The following UNC13C variants were observed in gnomAD, a reference collection of about 807,000 sequenced individuals.
UNC13C encodes protein unc-13 homolog C.
Under a neutral mutation model 245.4 loss-of-function variants are expected in UNC13C, and 174 were observed. That is an observed-to-expected ratio of 0.71 (90% CI 0.63 to 0.80). The LOEUF is 0.80. Ranked by LOEUF, UNC13C falls within the 30% of genes least tolerant of loss-of-function variation. UNC13C has a pLI of 0.00. For missense variants in UNC13C, 2,829 were observed against 2,602.9 expected, an observed-to-expected ratio of 1.09 and a Z score of -1.89; for synonymous variants, 992 against 895.1, an observed-to-expected ratio of 1.11 and a Z score of -1.93.
chr15:54,154,096 T>C (rs971623067), intron 4 of UNC13C, among the ~76,000 whole-genome samples: 1 of 152,046 alleles, frequency 6.6e-6, no homozygotes, highest in Non-Finnish European at 1.5e-5. Flanking sequence ...AATTATATAT[T>C]GTTGTAGTCA....
intron 2 of UNC13C, among the ~76,000 whole-genome samples, chr15:54,122,264 C>T (rs1475642700): frequency 2.0e-5 from 3 of 151,834 alleles, no homozygotes; most frequent in African/African-American, 7.3e-5. Context: ...TTAATAAATA[C>T]ATTTCATCAG....
chr15:54,301,642 T>A lies in UNC13C; in HGVS notation c.4268+1269T>A, dbSNP rs778338986. ...CTCATCCTTTTTTATAGCTGCATAG[T>A]ATTCCATGGTGCATATGTGCCACAT... On this transcript the variant is annotated intron_variant, in intron 13 of 32. Transcript: ENST00000260323. 3.1e-4 allele frequency among the ~76,000 whole-genome samples: 47 copies of A among 152,352 alleles called. 1 individual carries two copies. The highest frequency in any genetic ancestry group is 1.1e-3 in the African/African-American group (46 of 41,572).
intron 21 of UNC13C, 101 bp from the exon 22 acceptor site, chr15:54,500,734 A>C: frequency 1.1e-6 from 1 of 915,382 alleles, no homozygotes. Flanking sequence ...AAATGTAAAT[A>C]TGTGATACGG....
chr15:54,386,552 T>C (rs527518931), intron 17 of UNC13C, among the ~76,000 whole-genome samples: 8 of 152,120 alleles, frequency 5.3e-5, no homozygotes, highest in Non-Finnish European at 1.2e-4. Context: ...CAGTTAAAAA[T>C]TAGGGCAAAA....
intron 2 of UNC13C, among the ~76,000 whole-genome samples, chr15:54,118,397 T>C (rs531478689): frequency 1.3e-5 from 2 of 152,272 alleles, no homozygotes; most frequent in South Asian, 4.1e-4. Context: ...CCTAAGTATT[T>C]TCTTCTTGTA....
At chr15:53,898,119 A>T in the UNC13C span, among the ~76,000 whole-genome samples, 6 of 152,194 alleles carry the variant, frequency 3.9e-5, no homozygotes, top group African/African-American at 1.2e-4. Flanking sequence ...GATCTTCTAC[A>T]TTACTTCCTC....
intron 10 of UNC13C, among the ~76,000 whole-genome samples, chr15:54,267,747 TCTTC>T (rs2036582819): frequency 6.6e-6 from 1 of 152,086 alleles, no homozygotes; most frequent in Non-Finnish European, 1.5e-5. Flanking sequence ...GGTGTAATAT[TCTTC>T]CTTTTTCTAG....
intron 4 of UNC13C, among the ~76,000 whole-genome samples, chr15:54,198,780 T>TGGTA (rs1196533123): frequency 6.6e-6 from 1 of 152,034 alleles, no homozygotes; most frequent in African/African-American, 2.4e-5. Context: ...AAAACAAGTG[T>TGGTA]GGTAATATGA....
chr15:54,405,044 C>T (rs1836202891), intron 18 of UNC13C, among the ~76,000 whole-genome samples: 1 of 152,078 alleles, frequency 6.6e-6, no homozygotes, highest in Non-Finnish European at 1.5e-5. Context: ...CTGTCTGTCT[C>T]ATTTATACTT....
At position 54,627,104 on chromosome 15, in the gene UNC13C, G is replaced by C. The variant is rs1369023263; in HGVS notation, c.6636G>C (p.Glu2212Asp). The change falls in exon 33 of 33, where the codon GAG (glutamate) becomes GAC (aspartate). Residue 2212 changes from glutamate (E) to aspartate (D), a missense_variant. Glu to Asp is a conservative substitution (Grantham distance 45). Transcript: ENST00000260323. ...RLKSETRSTEESA is the reference protein window; with the variant it reads ...RLKSETRSTEDSA ...AATCTGAAACAAGATCTACTGAAGA[G>C]AGTGCTTGAAACAAACACTGCAAGC... 1.9e-6 allele frequency: 3 copies of C among 1,608,836 alleles called. No homozygotes were observed. Among genetic ancestry groups the C allele is most frequent in the African/African-American group, 2.7e-5 (2 of 74,742 alleles).
At chr15:54,542,374 T>G (rs548151990) in intron 26 of UNC13C, among the ~76,000 whole-genome samples, 90 of 152,268 alleles carry the variant, frequency 5.9e-4, no homozygotes, top group Non-Finnish European at 1.1e-3. Context: ...CTCTTTGTTA[T>G]GATTTCTGTT....
intron 4 of UNC13C, among the ~76,000 whole-genome samples, chr15:54,230,286 T>G (rs2035513660): frequency 6.6e-6 from 1 of 152,150 alleles, no homozygotes; most frequent in African/African-American, 2.4e-5. Flanking sequence ...AACTCTTGTA[T>G]CACTTGTGAG....
At chr15:54,632,530 G>C (rs569699895), downstream of UNC13C, 80 of 152,236 alleles carry the variant, frequency 5.3e-4, no homozygotes, top group African/African-American at 1.4e-3. Context: ...TTTGAGTTAA[G>C]GTTCATCTAT....
chr15:54,063,142 C>T (rs1292093313), intron 2 of UNC13C, among the ~76,000 whole-genome samples: 1 of 152,070 alleles, frequency 6.6e-6, no homozygotes, highest in Non-Finnish European at 1.5e-5. Context: ...TGAAATTTCA[C>T]GAATTAGAGC....
chr15:54,260,099 A>C (rs2036386041), intron 8 of UNC13C, among the ~76,000 whole-genome samples: 1 of 152,202 alleles, frequency 6.6e-6, no homozygotes, highest in African/African-American at 2.4e-5. Flanking sequence ...GTTTCCAAAC[A>C]GTGTGTGAGA....
chr15:54,133,105 T>C (rs1304347713), intron 2 of UNC13C, among the ~76,000 whole-genome samples: 2 of 152,234 alleles, frequency 1.3e-5, no homozygotes, highest in African/African-American at 2.4e-5. Context: ...TAAACATTCC[T>C]TGTTTTAGTG....
intron 32 of UNC13C, among the ~76,000 whole-genome samples, chr15:54,626,393 TA>T (rs1305288550): frequency 1.3e-5 from 2 of 150,490 alleles, no homozygotes; most frequent in African/African-American, 2.4e-5. Context: ...CTCCTAGATA[TA>T]ATAGCTTATT....
the UNC13C span, among the ~76,000 whole-genome samples, chr15:53,969,164 T>G: frequency 6.6e-6 from 1 of 152,114 alleles, no homozygotes; most frequent in South Asian, 2.1e-4. Flanking sequence ...GGAAAGTGAT[T>G]GCACATTGAT....
intron 2 of UNC13C, among the ~76,000 whole-genome samples, chr15:54,068,097 CA>C (rs1306444712): frequency 6.6e-6 from 1 of 152,104 alleles, no homozygotes; most frequent in African/African-American, 2.4e-5. Context: ...ACTGATTTTT[CA>C]GGAGGGCCTT....
Sources: allele counts gnomAD v4.1 joint callset (sites outside exome capture counted in the v4.1 genomes callset), GRCh38; gene constraint gnomAD v4.1.1; transcripts MANE v1.5; gene names NCBI Gene and HGNC (gene_info 2026-07-23, HGNC 2026-07-21).